The following NUP205 variants were observed in gnomAD, a reference collection of about 807,000 sequenced individuals.
NUP205 encodes the protein nucleoporin 205.
In NUP205, 76 loss-of-function variants were observed where a neutral mutation model predicts 253.8. The observed-to-expected ratio is 0.30, with a 90% CI of 0.25 to 0.36. The LOEUF (loss-of-function observed/expected upper bound fraction) is 0.36. Ranked by LOEUF, NUP205 falls within the 10% of genes least tolerant of loss-of-function variation. The probability of loss-of-function intolerance (pLI) is 1.00; values close to 1 mark genes in which losing one functional copy is unlikely to be tolerated. For missense variants in NUP205, 2,162 were observed against 2,425.5 expected (o/e 0.89, Z 2.28); for synonymous variants, 832 against 850.1 (o/e 0.98, Z 0.37).
intron 1 of NUP205, among the ~76,000 whole-genome samples, chr7:135,568,300 C>T (rs1805842176): frequency 6.6e-6 from 1 of 151,426 alleles, no homozygotes; most frequent in African/African-American, 2.4e-5. Flanking sequence ...TATCATAGGG[C>T]ATTGAATATA....
chr7:135,596,643 T>C lies in NUP205; in HGVS notation c.2014-725T>C, dbSNP rs534368365. 4.4e-4 allele frequency among the ~76,000 whole-genome samples: 67 copies of C among 152,174 alleles called. No homozygotes were observed. The South Asian group carries it at 0.013, about 31-fold the overall frequency. On this transcript the variant is annotated intron_variant, in intron 13 of 42. Transcript: ENST00000285968. The stretch of plus-strand genomic sequence containing the variant: ...CTTAAGTCAAAACTTGAGCCTCCTT[T>C]AATAAGCCTGTTCTTAAGTTTACTG...
chr7:135,591,699 A>G (rs1806633229), intron 11 of NUP205, 99 bp downstream of exon 11: 1 of 1,017,742 alleles, frequency 9.8e-7, no homozygotes. Context: ...ACTAGGTTCT[A>G]CCAGAGGTAT....
At chr7:135,642,785 A>G (rs1391085746) in intron 38 of NUP205, among the ~76,000 whole-genome samples, 1 of 152,024 alleles carries the variant, frequency 6.6e-6, no homozygotes, top group African/African-American at 2.4e-5. Flanking sequence ...CAAAGCAGGA[A>G]TTAGTCACTT....
intron 34 of NUP205, among the ~76,000 whole-genome samples, chr7:135,628,999 A>G (rs934334395): frequency 2.0e-5 from 3 of 152,228 alleles, no homozygotes; most frequent in Admixed American, 1.3e-4. Flanking sequence ...GAAGTGGGAC[A>G]TTATGATATA....
chr7:135,592,420 A>G (rs904333313), intron 11 of NUP205, among the ~76,000 whole-genome samples: 3 of 152,288 alleles, frequency 2.0e-5, no homozygotes, highest in Non-Finnish European at 4.4e-5. Flanking sequence ...ACCGACATCC[A>G]AAGTAAATTA....
At chr7:135,620,021 T>G (rs926173599) in intron 30 of NUP205, 133 bp downstream of exon 30, 17 of 649,422 alleles carry the variant, frequency 2.6e-5, no homozygotes, top group Middle Eastern at 3.8e-4. Context: ...TTTTAAAGCA[T>G]TTACTCAAAA....
At position 135,600,933 on chromosome 7, in the gene NUP205, C is replaced by G. The variant is rs1245912456; in HGVS notation, c.2338C>G (p.Leu780Val). The G allele has an allele frequency of 1.9e-6, 3 of 1,610,986 alleles. No individual in the cohort carries two copies. Among genetic ancestry groups the G allele is most frequent in the Admixed American group, 1.7e-5 (1 of 59,906 alleles). ...YKLLRDYEPQLEDFVDQFVEL... is the reference protein window; with the variant it reads ...YKLLRDYEPQVEDFVDQFVEL... The stretch of plus-strand genomic sequence containing the variant: ...ATTGCTCAGAGATTATGAGCCTCAG[C>G]TTGAAGATTTTGTAGACCAGTTTGT... The change falls in exon 16 of 43, where the codon CTT becomes GTT. Residue 780 changes from leucine (L) to valine (V), a missense_variant. This residue lies in a region of NUP205 where 892 missense variants were observed against 957.1 expected (regional missense o/e 0.93). Transcript: ENST00000285968.
At chr7:135,631,247 C>G (rs1410413470) in intron 35 of NUP205, among the ~76,000 whole-genome samples, 1 of 152,112 alleles carries the variant, frequency 6.6e-6, no homozygotes, top group Non-Finnish European at 1.5e-5. Flanking sequence ...GCACAACATT[C>G]AGGTTTGTTA....
chr7:135,644,969 C>T lies in NUP205; in HGVS notation c.5634C>T (p.Arg1878=), dbSNP rs548158081. The change falls in exon 40 of 43, where the codon CGC becomes CGT. Residue 1878 remains arginine, a synonymous_variant. Coordinates refer to ENST00000285968, the MANE Select transcript of NUP205 (RefSeq NM_015135.3). ...TAQKYVLARR[R]LVKVINNRAK... ...AGAAATATGTTCTAGCAAGACGGCG[C>T]TTGGTGAAGGTGATCAACAATCGAG... 1.9e-6 allele frequency: 3 copies of T among 1,614,104 alleles called. No homozygotes were observed. Among genetic ancestry groups the T allele is most frequent in the Admixed American group, 3.3e-5 (2 of 60,022 alleles).
chr7:135,558,473 G>C (rs1394506506), intron 1 of NUP205, among the ~76,000 whole-genome samples: 1 of 152,176 alleles, frequency 6.6e-6, no homozygotes, highest in African/African-American at 2.4e-5. Flanking sequence ...AGAGGGTGGC[G>C]GGGCTTCAGC....
rs760812792 is a variant in NUP205, at chr7:135,557,962, G to A, written c.18G>A (p.Ala6=). The change falls in exon 1 of 43, where the codon GCG becomes GCA. Residue 6 remains alanine (A), a synonymous_variant. Transcript: ENST00000285968. ...CCTCTAAGATGGCGACGCCTTTGGC[G>A]GTAAATTCGGGTAAGTGTGGCCAGA... is the stretch of plus-strand genomic sequence containing the variant. MATPL[A]VNSAASLWGP... 2 of 1,613,538 alleles carry A rather than the reference G, an allele frequency of 1.2e-6. No individual in the cohort carries two copies. Among genetic ancestry groups the A allele is most frequent in the Middle Eastern group, 1.7e-4 (1 of 6,060 alleles).
At chr7:135,565,691 C>T (rs939784589) in intron 1 of NUP205, among the ~76,000 whole-genome samples, 2 of 152,124 alleles carry the variant, frequency 1.3e-5, no homozygotes, top group Non-Finnish European at 2.9e-5. Flanking sequence ...CTTGGCCTCC[C>T]GGTTCCATTT....
intron 18 of NUP205, among the ~76,000 whole-genome samples, chr7:135,603,977 G>A (rs754063627): frequency 2.6e-4 from 40 of 152,138 alleles, no homozygotes; most frequent in Admixed American, 5.9e-4. Flanking sequence ...TGCTTTCAGC[G>A]TCACATGGCA....
chr7:135,579,938 G>T (rs529817672), intron 7 of NUP205, among the ~76,000 whole-genome samples: 1 of 152,162 alleles, frequency 6.6e-6, no homozygotes, highest in East Asian at 1.9e-4. Flanking sequence ...GAGCCACCGC[G>T]CCTGACCAGA....
In NUP205 at chr7:135,591,547, C is replaced by T; in HGVS notation, c.1571C>T (p.Pro524Leu). 1 of 1,613,764 alleles carries T rather than the reference C, an allele frequency of 6.2e-7. No homozygotes were observed. Among genetic ancestry groups the T allele is most frequent in the Non-Finnish European group, 8.5e-7 (1 of 1,179,764 alleles). ...ATGCTCCAGGGATTGGCCAATGGGC[C>T]TCAGTGTGCCCACTACTGTTTCAGC... ...LKMLQGLANGPQCAHYCFSLL... is the reference protein window; with the variant it reads ...LKMLQGLANGLQCAHYCFSLL... The change falls in exon 11 of 43, where the codon CCT becomes CTT. Residue 524 changes from proline (P) to leucine (L), a missense_variant. Physicochemically the swap from Pro to Leu is moderately conservative, Grantham distance 98. Transcript: ENST00000285968.
chr7:135,622,440 A>G (rs1563132992), intron 30 of NUP205, among the ~76,000 whole-genome samples: 1 of 151,702 alleles, frequency 6.6e-6, no homozygotes, highest in Non-Finnish European at 1.5e-5. Context: ...AAAGAAGGAA[A>G]AAAAAAAAGA....
intron 23 of NUP205, among the ~76,000 whole-genome samples, chr7:135,615,065 T>G (rs1430658377): frequency 1.3e-5 from 2 of 152,212 alleles, no homozygotes; most frequent in African/African-American, 4.8e-5. Flanking sequence ...GGATTTTGTT[T>G]AAGAAGCTTT....
intron 7 of NUP205, among the ~76,000 whole-genome samples, chr7:135,580,200 G>C (rs1318367328): frequency 6.6e-6 from 1 of 152,194 alleles, no homozygotes; most frequent in Non-Finnish European, 1.5e-5. Context: ...TGTAATTCCA[G>C]AACATTTTGT....
intron 15 of NUP205, among the ~76,000 whole-genome samples, chr7:135,599,367 A>G (rs1196160809): frequency 6.6e-6 from 1 of 151,828 alleles, no homozygotes; most frequent in Admixed American, 6.6e-5. Context: ...TTTTTTGTCA[A>G]TTGCATTAGA....
Sources: gnomAD v4.1 joint callset for allele counts (sites outside exome capture counted in the v4.1 genomes callset) on GRCh38, gnomAD v4.1.1 for gene constraint, gnomAD v4.1.1 regional missense constraint, MANE v1.5 for transcripts, NCBI Gene and HGNC (gene_info 2026-07-23, HGNC 2026-07-21) for gene names.